The following LRRC37A2 variants were observed in gnomAD, a reference collection of about 807,000 sequenced individuals.
The protein encoded by LRRC37A2 is leucine-rich repeat-containing protein 37A2.
A neutral mutation model predicts 68.8 loss-of-function variants in LRRC37A2; 9 were observed. The observed-to-expected ratio is 0.13, with a 90% confidence interval of 0.08 to 0.23. LRRC37A2 has a LOEUF of 0.23. Among genes scored for constraint, LRRC37A2 ranks in the 10% least tolerant of loss-of-function variants. LRRC37A2 has a pLI of 1.00. For missense variants in LRRC37A2, 168 were observed against 950.4 expected, an observed-to-expected ratio of 0.18 and a Z score of 10.82; for synonymous variants, 63 against 367.6, an observed-to-expected ratio of 0.17 and a Z score of 9.48.
chr17:47,033,563 T>C, the LRRC37A2 span, among the ~76,000 whole-genome samples: 4 of 152,222 alleles, frequency 2.6e-5, no homozygotes, highest in African/African-American at 9.7e-5. Context: ...TTAAATTTAT[T>C]TTCACGGCCT....
At chr17:46,762,454 T>C in the LRRC37A2 span, 1 of 152,078 alleles carries the variant, frequency 6.6e-6, no homozygotes, top group African/African-American at 2.4e-5. Flanking sequence ...TCTCGTATCC[T>C]TGACCTCCTG....
chr17:46,805,310 C>T, the LRRC37A2 span, among the ~76,000 whole-genome samples: 2 of 152,094 alleles, frequency 1.3e-5, no homozygotes, highest in South Asian at 2.1e-4. Flanking sequence ...CAGTGGCTCA[C>T]GCCTGTAATC....
the LRRC37A2 span, among the ~76,000 whole-genome samples, chr17:46,953,194 C>G: frequency 6.6e-6 from 1 of 151,954 alleles, no homozygotes; most frequent in Admixed American, 6.6e-5. Context: ...CTATCCCTCC[C>G]CACTCCCCCC....
At chr17:46,605,575 A>G in the LRRC37A2 span, among the ~76,000 whole-genome samples, 1 of 98,990 alleles carries the variant, frequency 1.0e-5, no homozygotes. Flanking sequence ...ATATGCTTAG[A>G]GAAAATAATT....
the LRRC37A2 span, among the ~76,000 whole-genome samples, chr17:46,965,572 G>C: frequency 3.9e-5 from 6 of 152,196 alleles, no homozygotes; most frequent in East Asian, 9.7e-4. Flanking sequence ...AAATCCTCGT[G>C]GTTTCTGCTC....
At chr17:46,545,731 T>C (rs1427183104) in intron 8 of LRRC37A2, among the ~76,000 whole-genome samples, 1 of 129,370 alleles carries the variant, frequency 7.7e-6, no homozygotes, top group Non-Finnish European at 1.6e-5. Context: ...ATATTAAATA[T>C]GTGGTAACTT....
the LRRC37A2 span, among the ~76,000 whole-genome samples, chr17:46,825,580 G>T: frequency 6.6e-6 from 1 of 152,212 alleles, no homozygotes; most frequent in African/African-American, 2.4e-5. Flanking sequence ...TTTCTTCAAC[G>T]CATCTTCATG....
the LRRC37A2 span, among the ~76,000 whole-genome samples, chr17:46,904,004 G>A: frequency 4.0e-5 from 6 of 150,492 alleles, no homozygotes; most frequent in Non-Finnish European, 8.9e-5. Context: ...AGGTGGATGA[G>A]TGGCTGGATA....
At chr17:46,876,837 C>T in the LRRC37A2 span, 1 of 1,435,260 alleles carries the variant, frequency 7.0e-7, no homozygotes, top group African/African-American at 1.4e-5. Flanking sequence ...GGCATGTGTG[C>T]CAATGCACAC....
At chr17:46,955,653 C>T in the LRRC37A2 span, 1 of 152,232 alleles carries the variant, frequency 6.6e-6, no homozygotes, top group Non-Finnish European at 1.5e-5. Flanking sequence ...GGAATCCTGT[C>T]TGCTCTTCAC....
the LRRC37A2 span, among the ~76,000 whole-genome samples, chr17:46,889,894 G>A: frequency 2.0e-5 from 3 of 152,264 alleles, no homozygotes; most frequent in East Asian, 1.9e-4. Flanking sequence ...AATGAGGATC[G>A]AGATACTAAC....
chr17:46,738,595 G>T, the LRRC37A2 span, among the ~76,000 whole-genome samples: 1 of 152,228 alleles, frequency 6.6e-6, no homozygotes, highest in Non-Finnish European at 1.5e-5. Context: ...CCGTCCTGGT[G>T]CCTGTTAGGT....
chr17:46,876,474 G>A, the LRRC37A2 span: 1 of 1,613,684 alleles, frequency 6.2e-7, no homozygotes, highest in Non-Finnish European at 8.5e-7. Flanking sequence ...CTGGCCCCAA[G>A]GTCTGGGGAC....
At chr17:46,588,874 T>C in the LRRC37A2 span, among the ~76,000 whole-genome samples, 3 of 127,998 alleles carry the variant, frequency 2.3e-5, no homozygotes. Flanking sequence ...GGCAAAACCC[T>C]GTCTCTACTA....
chr17:46,907,177 G>C, the LRRC37A2 span, among the ~76,000 whole-genome samples: 1 of 152,240 alleles, frequency 6.6e-6, no homozygotes, highest in Non-Finnish European at 1.5e-5. Flanking sequence ...GAGGTCAACA[G>C]ACAGCAGAGG....
At chr17:46,770,143 G>C in the LRRC37A2 span, 1 of 1,434,734 alleles carries the variant, frequency 7.0e-7, no homozygotes, top group Non-Finnish European at 9.2e-7. Context: ...GGGGAACGAG[G>C]CCAGGAAGAG....
the LRRC37A2 span, among the ~76,000 whole-genome samples, chr17:47,013,680 G>A: frequency 3.9e-5 from 6 of 152,242 alleles, no homozygotes; most frequent in Admixed American, 3.9e-4. Context: ...ACCAGTATAT[G>A]CAGGAAGTTT....
chr17:46,557,995 A>C (rs1471650057), downstream of LRRC37A2, among the ~76,000 whole-genome samples: 1 of 135,082 alleles, frequency 7.4e-6, no homozygotes. Flanking sequence ...ATTGGAGAAA[A>C]CTTAGCCCTC....
the LRRC37A2 span, among the ~76,000 whole-genome samples, chr17:47,025,093 A>G: frequency 6.6e-6 from 1 of 152,168 alleles, no homozygotes; most frequent in Non-Finnish European, 1.5e-5. Context: ...TCTATTTTTA[A>G]ATAGCCCATT....
Sources: gnomAD v4.1 joint callset for allele counts (sites outside exome capture counted in the v4.1 genomes callset) on GRCh38, gnomAD v4.1.1 for gene constraint, MANE v1.5 for transcripts, NCBI Gene and HGNC (gene_info 2026-07-23, HGNC 2026-07-21) for gene names.